SHE: variants seen among roughly 807,000 people sequenced by gnomAD.
SHE encodes the protein Src homology 2 domain containing E.
A neutral mutation model predicts 49.8 loss-of-function variants in SHE; 11 were observed. The ratio of observed to expected loss-of-function variants is 0.22; its 90% CI spans 0.14 to 0.37. The LOEUF (loss-of-function observed/expected upper bound fraction) is 0.37. Among genes scored for constraint, SHE ranks in the 10% least tolerant of loss-of-function variants. SHE has a pLI of 1.00. For missense variants in SHE, 624 were observed against 655.5 expected, an observed-to-expected ratio of 0.95 and a Z score of 0.52; for synonymous variants, 310 against 278.1, an observed-to-expected ratio of 1.11 and a Z score of -1.14.
chr1:154,499,318 T>C, intron 1 of SHE, 80 bp from the exon 2 acceptor site: 2 of 1,493,082 alleles, frequency 1.3e-6, no homozygotes, highest in Middle Eastern at 1.9e-4. Flanking sequence ...GCTACTGACA[T>C]CTCCTGCATA....
chr1:154,472,792 C>G (rs767485212), intron 1 of SHE, among the ~76,000 whole-genome samples: 1 of 152,202 alleles, frequency 6.6e-6, no homozygotes, highest in Non-Finnish European at 1.5e-5. Context: ...CAAAGCAGTA[C>G]ACCAACTGGC....
In SHE at chr1:154,483,197, C is replaced by G; in HGVS notation, c.*952G>C. 2.0e-6 allele frequency: 2 copies of G among 985,328 alleles called. No homozygotes were observed. The highest frequency in any genetic ancestry group is 2.4e-6 in the Non-Finnish European group (2 of 829,918). 61.0% of individuals were successfully genotyped at this position (985,328 alleles called of 1,614,324 possible). The stretch of plus-strand genomic sequence containing the variant: ...TATCTTCCTTCCTATTTATGCTTAT[C>G]TCACTGATTTGCTAAAAAATGAGAA... On this transcript the variant is annotated 3_prime_UTR_variant, in exon 6 of 6. Coordinates refer to ENST00000304760, the MANE Select transcript of SHE (RefSeq NM_001010846.3).
chr1:154,479,985 A>G lies in SHE; in HGVS notation c.*4164T>C, dbSNP rs1405473762. ...CCTTAAATGCACAGCTGCTTTTCCC[A>G]ACTGCAGTTTTCTCTTTTCCCATTA... On this transcript the variant is annotated 3_prime_UTR_variant, in exon 6 of 6. Transcript: ENST00000304760. 1.0e-6 allele frequency: 1 copy of G among 985,264 alleles called. No homozygotes were observed. Among genetic ancestry groups the G allele is most frequent in the Non-Finnish European group, 1.2e-6 (1 of 829,926 alleles). The allele number at this position is 985,264 out of a possible 1,614,324, so 61.0% of individuals were successfully genotyped here.
downstream of SHE, among the ~76,000 whole-genome samples, chr1:154,478,018 T>A (rs1473324417): frequency 1.3e-5 from 2 of 152,110 alleles, no homozygotes; most frequent in African/African-American, 4.8e-5. Flanking sequence ...CTACTCTGGG[T>A]ACCTCATGTA....
At chr1:154,479,403 G>C (rs1691961737), downstream of SHE, 1 of 678,086 alleles carries the variant, frequency 1.5e-6, no homozygotes, top group African/African-American at 2.0e-5. Context: ...AAACTCTGCT[G>C]TAGCTCTTAC....
Position 154,480,941 on chromosome 1 carries a change from A to G in SHE, c.*3208T>C. 1 of 985,452 alleles carries G rather than the reference A, an allele frequency of 1.0e-6. No homozygotes were observed. The highest frequency in any genetic ancestry group is 1.2e-6 in the Non-Finnish European group (1 of 829,932). 61.0% of individuals were successfully genotyped at this position (985,452 alleles called of 1,614,324 possible). A position where few individuals can be genotyped will look rare whatever the true frequency, so the allele number is the denominator to read the frequency against. On this transcript the variant is annotated 3_prime_UTR_variant, in exon 6 of 6. Transcript: ENST00000304760. Reference sequence around the variant, plus strand: ...TTTTTTAAAGAAGGTGTGATCAAGAAGAACACTGACACAGCTCTATGGATG... The same window carrying G: ...TTTTTTAAAGAAGGTGTGATCAAGAGGAACACTGACACAGCTCTATGGATG...
chr1:154,486,141 C>T (rs1367001010), intron 4 of SHE, 79 bp from the exon 5 acceptor site: 17 of 1,564,650 alleles, frequency 1.1e-5, no homozygotes, highest in East Asian at 2.3e-5. Flanking sequence ...CTCCATAAAG[C>T]GTTGTTTGAA....
In SHE at chr1:154,480,210, C is replaced by G. The variant is rs1416154561; in HGVS notation, c.*3939G>C. 1 of 985,306 alleles carries G rather than the reference C, an allele frequency of 1.0e-6. No individual in the cohort carries two copies. Among genetic ancestry groups the G allele is most frequent in the African/African-American group, 1.7e-5 (1 of 57,222 alleles). 61.0% of individuals were successfully genotyped at this position (985,306 alleles called of 1,614,324 possible). ...CTAGTTATGGAAAAATAGGAGACAA[C>G]TAGTGAACGAGAGATCTGTGAAGGG... On this transcript the variant is annotated 3_prime_UTR_variant, in exon 6 of 6. Transcript: ENST00000304760.
chr1:154,479,532 C>T lies in SHE; in HGVS notation c.*4617G>A, dbSNP rs527824675. The T allele has an allele frequency of 3.5e-5, 34 of 985,270 alleles. No homozygotes were observed. Among genetic ancestry groups the T allele is most frequent in the Non-Finnish European group, 4.0e-5 (33 of 829,834 alleles). The allele number at this position is 985,270 out of a possible 1,614,324, so 61.0% of individuals were successfully genotyped here. A position where few individuals can be genotyped will look rare whatever the true frequency, so the allele number is the denominator to read the frequency against. On this transcript the variant is annotated 3_prime_UTR_variant, in exon 6 of 6. Transcript: ENST00000304760. ...GTTACATTTCAGAGGAAACTATCTT[C>T]AGGAGGGCATGAAGCCTATATTGGC...
At position 154,489,117 on chromosome 1, in the gene SHE, T is replaced by C; in HGVS notation, c.958A>G (p.Arg320Gly). Residue 320 changes from arginine to glycine, a missense_variant, in exon 3 of 6, where the codon AGG becomes GGG. Coordinates refer to ENST00000304760, the MANE Select transcript of SHE (RefSeq NM_001010846.3). ...GGCTGCTCGTACTCTGCCGCGGGCC[T>C]CTCGTCGTTCTCGGGCAGCCGGCTG... ...PDSRLPENDE[R>G]PAAEYEQPWE... 3 of 1,613,386 alleles carry C rather than the reference T, an allele frequency of 1.9e-6. No homozygotes were observed. Among genetic ancestry groups the C allele is most frequent in the Non-Finnish European group, 2.5e-6 (3 of 1,179,604 alleles).
intron 2 of SHE, among the ~76,000 whole-genome samples, chr1:154,498,387 C>A (rs1396471256): frequency 1.3e-5 from 2 of 149,352 alleles, no homozygotes; most frequent in Admixed American, 1.3e-4. Context: ...TGAGCCACTG[C>A]GCCTGGCCTT....
intron 1 of SHE, among the ~76,000 whole-genome samples, chr1:154,470,903 G>C (rs550461504): frequency 1.3e-5 from 2 of 151,852 alleles, no homozygotes; most frequent in East Asian, 3.9e-4. Flanking sequence ...CCAGCTACTA[G>C]GGAGGCTGAG....
chr1:154,477,350 A>G (rs1420635654), downstream of SHE, among the ~76,000 whole-genome samples: 13 of 152,078 alleles, frequency 8.5e-5, no homozygotes, highest in Admixed American at 8.5e-4. Flanking sequence ...ATTAACATAA[A>G]ATTTACCATC....
At chr1:154,472,604 A>G (rs1571033320) in intron 1 of SHE, among the ~76,000 whole-genome samples, 1 of 152,312 alleles carries the variant, frequency 6.6e-6, no homozygotes, top group East Asian at 1.9e-4. Flanking sequence ...CATCAGAAGG[A>G]GGCCAGGTGC....
Position 154,481,555 on chromosome 1 carries a change from G to A in SHE, c.*2594C>T. On this transcript the variant is annotated 3_prime_UTR_variant, in exon 6 of 6. Coordinates refer to ENST00000304760, the MANE Select transcript of SHE (RefSeq NM_001010846.3). ...CATTCATCACAGTTGCTGGGTATGG[G>A]CCAAAAATCATTTAGTGCACAAAGA... 3.0e-6 allele frequency: 3 copies of A among 985,286 alleles called. No individual in the cohort carries two copies. The highest frequency in any genetic ancestry group is 3.6e-6 in the Non-Finnish European group (3 of 829,898). The allele number at this position is 985,286 out of a possible 1,614,324, so 61.0% of individuals were successfully genotyped here.
chr1:154,478,118 T>C (rs1691928136), downstream of SHE, among the ~76,000 whole-genome samples: 1 of 152,170 alleles, frequency 6.6e-6, no homozygotes, highest in African/African-American at 2.4e-5. Flanking sequence ...TTGTTGAGGC[T>C]GAATGATACT....
At chr1:154,470,896 G>A (rs1691725689) in intron 1 of SHE, among the ~76,000 whole-genome samples, 1 of 152,006 alleles carries the variant, frequency 6.6e-6, no homozygotes, top group Admixed American at 6.5e-5. Flanking sequence ...TGTGATTCCA[G>A]CTACTAGGGA....
intron 1 of SHE, among the ~76,000 whole-genome samples, chr1:154,472,026 A>C (rs1352911924): frequency 6.6e-6 from 1 of 152,144 alleles, no homozygotes; most frequent in Admixed American, 6.5e-5. Flanking sequence ...TACAAAAATT[A>C]GCTGGGCATG....
At chr1:154,497,476 TAAATC>T (rs1692567692) in intron 2 of SHE, among the ~76,000 whole-genome samples, 1 of 152,236 alleles carries the variant, frequency 6.6e-6, no homozygotes, top group African/African-American at 2.4e-5. Flanking sequence ...AGTTCACAAA[TAAATC>T]TATATTATTT....
Sources: allele counts gnomAD v4.1 joint callset (sites outside exome capture counted in the v4.1 genomes callset), GRCh38; gene constraint gnomAD v4.1.1; transcripts MANE v1.5; gene names NCBI Gene and HGNC (gene_info 2026-07-23, HGNC 2026-07-21).